KSR1: variants seen among roughly 807,000 people sequenced by gnomAD.
KSR1 encodes kinase suppressor of ras.
In KSR1, 35 loss-of-function variants were observed where a neutral mutation model predicts 92.9. The observed-to-expected ratio is 0.38, with a 90% CI of 0.29 to 0.50. The LOEUF is 0.50. KSR1 is among the 20% of genes least tolerant of loss of function. The probability of loss-of-function intolerance (pLI) is 0.94; values close to 1 mark genes in which losing one functional copy is unlikely to be tolerated. For synonymous variants in KSR1, 467 were observed against 472.6 expected (o/e 0.99, Z 0.15); for missense variants, 972 against 1,158.5 (o/e 0.84, Z 2.34).
At chr17:27,470,018 G>GTA (rs1281287893) in intron 1 of KSR1, among the ~76,000 whole-genome samples, 3 of 150,074 alleles carry the variant, frequency 2.0e-5, no homozygotes, top group African/African-American at 2.5e-5. Context: ...GTGTGTGTGT[G>GTA]TGTGTGTGTG....
chr17:27,565,644 C>T (rs577301089), intron 2 of KSR1, among the ~76,000 whole-genome samples: 73 of 152,232 alleles, frequency 4.8e-4, no homozygotes, highest in African/African-American at 1.7e-3. Flanking sequence ...AGGCTGGTCT[C>T]AAACTCCTGA....
rs1421477239 is a variant in KSR1, at chr17:27,550,704, T to C, written c.368T>C (p.Val123Ala). Reference protein sequence around the residue: ...LYTFNVRPEVVQEIPRDLTLD... With the variant: ...LYTFNVRPEVAQEIPRDLTLD... ...ACTTTCAACGTGAGGCCGGAGGTGG[T>C]GCAGGTATGCAAGCTGGTTCTCAGC... The change falls in exon 2 of 21, where the codon GTG (valine) becomes GCG (alanine). Residue 123 changes from valine to alanine, a missense_variant. Coordinates refer to ENST00000644974, the MANE Select transcript of KSR1 (RefSeq NM_001394583.1). The C allele has an allele frequency of 1.3e-6, 1 of 762,668 alleles. No homozygotes were observed. The highest frequency in any genetic ancestry group is 2.4e-6 in the Non-Finnish European group (1 of 417,304). The allele number at this position is 762,668 out of a possible 1,614,324, so 47.2% of individuals were successfully genotyped here.
intron 1 of KSR1, among the ~76,000 whole-genome samples, chr17:27,511,408 C>A (rs2069595743): frequency 6.6e-6 from 1 of 152,120 alleles, no homozygotes; most frequent in Non-Finnish European, 1.5e-5. Flanking sequence ...TGAGGGCTGT[C>A]TGTACTTGGC....
intron 10 of KSR1, among the ~76,000 whole-genome samples, chr17:27,599,843 T>G (rs1439180608): frequency 1.3e-5 from 2 of 152,098 alleles, no homozygotes; most frequent in African/African-American, 4.8e-5. Context: ...TTTATAAGCT[T>G]TTTTCTATTT....
Position 27,526,094 on chromosome 17 carries a change from T to TTCTCTCTCTC in KSR1, c.232-24459_232-24450dup, listed in dbSNP as rs59170484. Among the ~76,000 whole-genome samples, 301 of 118,466 alleles carry TTCTCTCTCTC rather than the reference T, an allele frequency of 2.5e-3. 4 individuals carry two copies. Among genetic ancestry groups the TTCTCTCTCTC allele is most frequent in the African/African-American group, 6.8e-3 (189 of 27,964 alleles). The allele number at this position is 118,466 out of a possible 152,430, so 77.7% of individuals were successfully genotyped here. A position where few individuals can be genotyped will look rare whatever the true frequency, so the allele number is the denominator to read the frequency against. ...TCTCTTTCTTTCTTTCTTTCTTTCT[T>TTCTCTCTCTC]TCTCTCTCTCTCTCTCTCTCTCTCA... is the stretch of plus-strand genomic sequence containing the variant. On this transcript the variant is annotated intron_variant, in intron 1 of 20. Transcript: ENST00000644974.
chr17:27,494,882 C>T (rs568102745), intron 1 of KSR1, among the ~76,000 whole-genome samples: 2 of 152,338 alleles, frequency 1.3e-5, no homozygotes, highest in East Asian at 1.9e-4. Context: ...GGGTGGCTCC[C>T]TGTGCCTGGG....
chr17:27,456,473 C>T lies in KSR1; in HGVS notation c.-171C>T. ...GTCGCCGCGGCTTTCGCTTTGCTGC[C>T]GCGGCTGGGAGGGTGGAAGCGGCAG... On this transcript the variant is annotated 5_prime_UTR_variant, in exon 1 of 21. Transcript: ENST00000644974. 2.6e-6 allele frequency: 1 copy of T among 386,438 alleles called. No individual in the cohort carries two copies. The highest frequency in any genetic ancestry group is 4.5e-6 in the Non-Finnish European group (1 of 220,250). 23.9% of individuals were successfully genotyped at this position (386,438 alleles called of 1,614,324 possible).
At chr17:27,548,229 CAAAAA>C (rs34481724) in intron 1 of KSR1, among the ~76,000 whole-genome samples, 1 of 89,872 alleles carries the variant, frequency 1.1e-5, no homozygotes, top group African/African-American at 4.1e-5. Flanking sequence ...GACCCCATCT[CAAAAA>C]AAAAAAAAAA....
chr17:27,541,774 G>T (rs2070976132), intron 1 of KSR1, among the ~76,000 whole-genome samples: 1 of 152,250 alleles, frequency 6.6e-6, no homozygotes, highest in African/African-American at 2.4e-5. Flanking sequence ...AGATGGGAAT[G>T]ATGAAGTACA....
chr17:27,592,732 C>A, intron 9 of KSR1, 106 bp downstream of exon 9: 1 of 879,600 alleles, frequency 1.1e-6, no homozygotes, highest in East Asian at 2.7e-5. Flanking sequence ...ATGACACCAC[C>A]GTCTCAGATT....
At chr17:27,485,559 G>T (rs534283135) in intron 1 of KSR1, among the ~76,000 whole-genome samples, 29 of 152,354 alleles carry the variant, frequency 1.9e-4, no homozygotes, top group African/African-American at 6.5e-4. Flanking sequence ...TGGAGGGAAA[G>T]TGAAGGAAAT....
At chr17:27,611,273 T>G in intron 17 of KSR1, 1 of 563,752 alleles carries the variant, frequency 1.8e-6, no homozygotes, top group Non-Finnish European at 3.1e-6. Context: ...CGGTCAAACC[T>G]GCGCTGTCTC....
Position 27,623,830 on chromosome 17 carries a change from C to T in KSR1, c.*438C>T, listed in dbSNP as rs889795581. The T allele has an allele frequency of 1.9e-6, 1 of 524,330 alleles. No individual in the cohort carries two copies. The highest frequency in any genetic ancestry group is 3.3e-6 in the Non-Finnish European group (1 of 304,020). The allele number at this position is 524,330 out of a possible 1,614,324, so 32.5% of individuals were successfully genotyped here. On this transcript the variant is annotated 3_prime_UTR_variant, in exon 21 of 21. Coordinates refer to ENST00000644974, the MANE Select transcript of KSR1 (RefSeq NM_001394583.1). ...GCTGTTCTTGGGGTAGGGCGGGGAG[C>T]CCAGAAGGTCTGATCTGGCCTCTGC...
intron 6 of KSR1, 94 bp downstream of exon 6, chr17:27,588,629 T>G: frequency 5.1e-6 from 6 of 1,165,136 alleles, no homozygotes; most frequent in African/African-American, 1.5e-5. Context: ...CAGCGAGCTC[T>G]TTGCCTCTGA....
At chr17:27,544,185 A>G (rs1035818572) in intron 1 of KSR1, among the ~76,000 whole-genome samples, 1 of 152,216 alleles carries the variant, frequency 6.6e-6, no homozygotes, top group Non-Finnish European at 1.5e-5. Flanking sequence ...GTTAGATCCC[A>G]TGGCTATGTT....
intron 1 of KSR1, among the ~76,000 whole-genome samples, chr17:27,480,260 T>C (rs887795674): frequency 6.6e-6 from 1 of 152,204 alleles, no homozygotes; most frequent in African/African-American, 2.4e-5. Flanking sequence ...CATGTAATTG[T>C]GAACCCTCCT....
chr17:27,504,782 G>C (rs1248403442), intron 1 of KSR1, among the ~76,000 whole-genome samples: 1 of 152,172 alleles, frequency 6.6e-6, no homozygotes, highest in Non-Finnish European at 1.5e-5. Flanking sequence ...TGCACTGAAG[G>C]CTCATGAATT....
rs946294562 is a variant in KSR1 at position 27,577,997 on chromosome 17, C to A, written c.520+358C>A. 14 of 389,500 alleles carry A rather than the reference C, an allele frequency of 3.6e-5. No homozygotes were observed. The highest frequency in any genetic ancestry group is 6.4e-5 in the Non-Finnish European group (13 of 204,220). 24.1% of individuals were successfully genotyped at this position (389,500 alleles called of 1,614,324 possible). A position where few individuals can be genotyped will look rare whatever the true frequency, so the allele number is the denominator to read the frequency against. On this transcript the variant is annotated intron_variant, in intron 3 of 20. Transcript: ENST00000644974. This position sits in a 1 kb window ranked among gnomAD's most constrained non-coding sequence, Gnocchi z 4.5. ...AGCCCTCTCCCCGTCTTCTCCTGTC[C>A]CCATTGCTGGCTGGGTTCTGTGCTC...
intron 18 of KSR1, among the ~76,000 whole-genome samples, chr17:27,613,442 G>A (rs965985408): frequency 1.7e-4 from 26 of 152,332 alleles, no homozygotes; most frequent in African/African-American, 6.3e-4. Context: ...CCTCCCAACA[G>A]GCTCCCATCT....
Sources: allele counts gnomAD v4.1 joint callset (sites outside exome capture counted in the v4.1 genomes callset), GRCh38; gene constraint gnomAD v4.1.1; non-coding constraint Gnocchi (gnomAD v3.1); transcripts MANE v1.5; gene names NCBI Gene and HGNC (gene_info 2026-07-23, HGNC 2026-07-21).